ARHGEF12: variants seen among roughly 807,000 people sequenced by gnomAD.
ARHGEF12 encodes KMT2A/ARHGEF12 fusion protein.
A neutral mutation model predicts 211.2 loss-of-function variants in ARHGEF12; 66 were observed. The ratio of observed to expected loss-of-function variants is 0.31; its 90% CI spans 0.26 to 0.38. The LOEUF is 0.38. Among genes scored for constraint, ARHGEF12 ranks in the 10% least tolerant of loss-of-function variants. The probability of loss-of-function intolerance (pLI) is 1.00; values close to 1 mark genes in which losing one functional copy is unlikely to be tolerated. For missense variants in ARHGEF12, 1,429 were observed against 1,869.5 expected, an observed-to-expected ratio of 0.76 and a Z score of 4.34; for synonymous variants, 592 against 638.4, an observed-to-expected ratio of 0.93 and a Z score of 1.09.
chr11:120,457,553 A>G (rs947174517), intron 23 of ARHGEF12, 168 bp from the exon 24 acceptor site: 4 of 484,260 alleles, frequency 8.3e-6, no homozygotes, highest in Admixed American at 3.8e-5. Flanking sequence ...ACTGAAATGT[A>G]GAAAGGTACT....
intron 1 of ARHGEF12, among the ~76,000 whole-genome samples, chr11:120,351,868 G>A (rs763614795): frequency 3.3e-5 from 5 of 151,992 alleles, no homozygotes; most frequent in Non-Finnish European, 4.4e-5. Context: ...GCTAAATACT[G>A]TTGTCCCTGT....
Position 120,475,266 on chromosome 11 carries a change from T to G in ARHGEF12, c.3110-74T>G, listed in dbSNP as rs962510194. On this transcript the variant is annotated intron_variant, in intron 32 of 40. Transcript: ENST00000397843. ...TTTAACAGAAATAGAATTCCTCTGTTGAATCATTATAAAGTTAATCAAACG... is the reference window on the plus strand; with the variant it reads ...TTTAACAGAAATAGAATTCCTCTGTGGAATCATTATAAAGTTAATCAAACG... The G allele has an allele frequency of 5.9e-6, 8 of 1,359,676 alleles. No individual in the cohort carries two copies. In the African/African-American group the frequency reaches 1.0e-4, roughly 17 times the overall value. 84.2% of individuals were successfully genotyped at this position (1,359,676 alleles called of 1,614,324 possible).
rs371114939 is a variant in ARHGEF12 at position 120,477,419 on chromosome 11, GTTTTTTTT to G, written c.3453-16_3453-9del. On this transcript the variant is annotated intron_variant, in intron 35 of 40. Transcript: ENST00000397843. Reference sequence around the variant, plus strand: ...GTTTAGATACCTCAGGAAGGTAAAAGTTTTTTTTTTTTTTTTTTTCTCTACAGAGGAGA... The same window carrying G: ...GTTTAGATACCTCAGGAAGGTAAAAGTTTTTTTTTTTCTCTACAGAGGAGA... 11 of 1,251,580 alleles carry G rather than the reference GTTTTTTTT, an allele frequency of 8.8e-6. No homozygotes were observed. The highest frequency in any genetic ancestry group is 2.4e-4 in the Middle Eastern group (1 of 4,128). The allele number at this position is 1,251,580 out of a possible 1,614,324, so 77.5% of individuals were successfully genotyped here. A position where few individuals can be genotyped will look rare whatever the true frequency, so the allele number is the denominator to read the frequency against.
chr11:120,475,265 T>C (rs1946994611), intron 32 of ARHGEF12, 75 bp from the exon 33 acceptor site: 2 of 1,355,710 alleles, frequency 1.5e-6, no homozygotes, highest in Non-Finnish European at 1.0e-6. Context: ...AATTCCTCTG[T>C]TGAATCATTA....
rs563422045 is a variant in ARHGEF12 at position 120,428,171 on chromosome 11, C to T, written c.509C>T (p.Ser170Phe). ...GAGCCGTCAGTCATTGGACATATGTCTCCCATCATGACATCTCCTCATTCA... is the reference window on the plus strand; with the variant it reads ...GAGCCGTCAGTCATTGGACATATGTTTCCCATCATGACATCTCCTCATTCA... The part of the protein sequence containing the change: ...EVEPSVIGHM[S>F]PIMTSPHSPG... The change falls in exon 8 of 41, where the codon TCT becomes TTT. Residue 170 changes from serine (S) to phenylalanine (F), a missense_variant. By Grantham distance (155) the Ser-to-Phe change is radical (BLOSUM62 -2). Coordinates refer to ENST00000397843, the MANE Select transcript of ARHGEF12 (RefSeq NM_015313.3). 6.2e-7 allele frequency: 1 copy of T among 1,611,884 alleles called. No individual in the cohort carries two copies. Among genetic ancestry groups the T allele is most frequent in the Admixed American group, 1.7e-5 (1 of 59,658 alleles).
intron 15 of ARHGEF12, among the ~76,000 whole-genome samples, chr11:120,442,570 A>G (rs1252790841): frequency 6.6e-6 from 1 of 152,164 alleles, no homozygotes; most frequent in African/African-American, 2.4e-5. Context: ...TAATACTTGA[A>G]TAACTGAACT....
At position 120,489,906 on chromosome 11, in the gene ARHGEF12, T is replaced by G. The variant is rs1174307555; in HGVS notation, c.*4829T>G. Reference sequence around the variant, plus strand: ...CTCTTTGATAGCCACCTCCTAGGAATGGAGACAATAAAACTCTGTATTTGC... The same window carrying G: ...CTCTTTGATAGCCACCTCCTAGGAAGGGAGACAATAAAACTCTGTATTTGC... On this transcript the variant is annotated 3_prime_UTR_variant, in exon 41 of 41. Transcript: ENST00000397843. 5.5e-6 allele frequency: 1 copy of G among 181,138 alleles called. No individual in the cohort carries two copies. The highest frequency in any genetic ancestry group is 6.3e-5 in the Admixed American group (1 of 15,916). The allele number at this position is 181,138 out of a possible 1,614,324, so 11.2% of individuals were successfully genotyped here. A position where few individuals can be genotyped will look rare whatever the true frequency, so the allele number is the denominator to read the frequency against.
At chr11:120,463,315 CAGG>C (rs1167260385) in intron 27 of ARHGEF12, 1 of 152,370 alleles carries the variant, frequency 6.6e-6, no homozygotes, top group Non-Finnish European at 1.5e-5. Context: ...CACCTGAGGT[CAGG>C]AGTTTAAGAC....
intron 1 of ARHGEF12, among the ~76,000 whole-genome samples, chr11:120,371,424 G>A (rs1943586164): frequency 6.6e-6 from 1 of 152,194 alleles, no homozygotes; most frequent in African/African-American, 2.4e-5. Context: ...GGAGGTGGAG[G>A]TTGCTGTGAG....
Position 120,465,284 on chromosome 11 carries a change from T to C in ARHGEF12, c.2661T>C (p.Phe887=). 1 of 1,614,166 alleles carries C rather than the reference T, an allele frequency of 6.2e-7. No homozygotes were observed. The highest frequency in any genetic ancestry group is 8.5e-7 in the Non-Finnish European group (1 of 1,180,018). Residue 887 remains phenylalanine (F), a synonymous_variant, in exon 28 of 41, where the codon TTT becomes TTC. Transcript: ENST00000397843. ...AATTGAAACATGCTGCTGCTACCTTTTGCAGTAACCAACCTTTCGCCCTGG... is the reference window on the plus strand; with the variant it reads ...AATTGAAACATGCTGCTGCTACCTTCTGCAGTAACCAACCTTTCGCCCTGG... ...EEKLKHAAAT[F]CSNQPFALEM...
At chr11:120,374,784 C>G (rs570815092) in intron 1 of ARHGEF12, among the ~76,000 whole-genome samples, 1 of 152,174 alleles carries the variant, frequency 6.6e-6, no homozygotes, top group South Asian at 2.1e-4. Flanking sequence ...ATGGTTACAG[C>G]AAAGATTATG....
At chr11:120,465,401 A>G in intron 28 of ARHGEF12, 39 bp downstream of exon 28, 1 of 1,610,326 alleles carries the variant, frequency 6.2e-7, no homozygotes, top group Non-Finnish European at 8.5e-7. Flanking sequence ...AAATAAGGCA[A>G]GTTTTTATCA....
chr11:120,341,178 C>G (rs1942524391), intron 1 of ARHGEF12, among the ~76,000 whole-genome samples: 1 of 152,112 alleles, frequency 6.6e-6, no homozygotes, highest in Non-Finnish European at 1.5e-5. Context: ...CTGCCTCAGC[C>G]TCCTGAGTAG....
intron 1 of ARHGEF12, among the ~76,000 whole-genome samples, chr11:120,391,493 C>T (rs1944215942): frequency 1.3e-5 from 2 of 152,178 alleles, no homozygotes; most frequent in Admixed American, 1.3e-4. Flanking sequence ...TTGAGCATAG[C>T]TGCTGGGGAA....
At chr11:120,383,424 A>G (rs1394888088) in intron 1 of ARHGEF12, among the ~76,000 whole-genome samples, 1 of 152,086 alleles carries the variant, frequency 6.6e-6, no homozygotes, top group Non-Finnish European at 1.5e-5. Flanking sequence ...TTATTATTAC[A>G]TTGTAATGTA....
chr11:120,457,789 C>A, intron 24 of ARHGEF12, 33 bp downstream of exon 24: 2 of 1,597,476 alleles, frequency 1.3e-6, no homozygotes, highest in South Asian at 2.3e-5. Flanking sequence ...TCAATAAAGG[C>A]GCATTTTAAG....
intron 39 of ARHGEF12, among the ~76,000 whole-genome samples, chr11:120,482,462 A>G (rs1223479317): frequency 6.6e-6 from 1 of 152,006 alleles, no homozygotes; most frequent in East Asian, 1.9e-4. Context: ...GTTTTCCATC[A>G]GAGGCAGGGC....
At chr11:120,449,333 C>A in intron 21 of ARHGEF12, 119 bp downstream of exon 21, 1 of 743,078 alleles carries the variant, frequency 1.3e-6, no homozygotes. Context: ...TTACTGAATT[C>A]CCAATATGCC....
chr11:120,443,846 C>T (rs1945957794), intron 15 of ARHGEF12, among the ~76,000 whole-genome samples: 1 of 152,148 alleles, frequency 6.6e-6, no homozygotes, highest in Admixed American at 6.5e-5. Context: ...CAACTATTTG[C>T]ATAGCGTTTA....
Sources: allele counts gnomAD v4.1 joint callset (sites outside exome capture counted in the v4.1 genomes callset), GRCh38; gene constraint gnomAD v4.1.1; transcripts MANE v1.5; gene names NCBI Gene and HGNC (gene_info 2026-07-23, HGNC 2026-07-21).